Variants in CACNA1A observed in about 807,000 individuals in gnomAD.
CACNA1A encodes the protein voltage-dependent P/Q-type calcium channel subunit alpha-1A.
CACNA1A carries 57 observed loss-of-function variants against 262.4 expected under a neutral mutation model. The ratio of observed to expected loss-of-function variants is 0.22; its 90% CI spans 0.18 to 0.27. The LOEUF is 0.27. Ranked by LOEUF, CACNA1A falls within the 10% of genes least tolerant of loss-of-function variation. CACNA1A has a pLI of 1.00. For synonymous variants in CACNA1A, 1,431 were observed against 1,419.3 expected (o/e 1.01, Z -0.18); for missense variants, 2,526 against 3,562.8 (o/e 0.71, Z 7.41).
At chr19:13,306,840 G>A (rs1038109615) in intron 15 of CACNA1A, among the ~76,000 whole-genome samples, 9 of 152,202 alleles carry the variant, frequency 5.9e-5, no homozygotes, top group African/African-American at 9.6e-5. Flanking sequence ...CACCCATTCC[G>A]TCCCATGGAA....
Position 13,371,771 on chromosome 19 carries a change from G to A in CACNA1A, c.548C>T (p.Ala183Val), listed in dbSNP as rs866087553. 6.4e-7 allele frequency: 1 copy of A among 1,570,910 alleles called. No individual in the cohort carries two copies. The highest frequency in any genetic ancestry group is 8.6e-7 in the Non-Finnish European group (1 of 1,157,886). ...DFVVVLTGIL[A>V]TVGTEFDLRT... ...TAGGTCAAACTCCGTCCCAACTGTC[G>A]CCAAGATGCTGAAAGAAAGAAGCCA... Residue 183 changes from alanine (A) to valine (V), a missense_variant, in exon 4 of 47, where the codon GCG becomes GTG. By Grantham distance (64) the Ala-to-Val change is moderately conservative. Coordinates refer to ENST00000360228, the MANE Select transcript of CACNA1A (RefSeq NM_001127222.2).
chr19:13,408,671 G>A (rs761758186), intron 3 of CACNA1A, among the ~76,000 whole-genome samples: 1 of 152,224 alleles, frequency 6.6e-6, no homozygotes, highest in Non-Finnish European at 1.5e-5. Context: ...GTTCACAGGT[G>A]AGCAACTGTT....
At chr19:13,229,991 G>A in intron 36 of CACNA1A, 91 bp downstream of exon 36, 2 of 1,448,478 alleles carry the variant, frequency 1.4e-6, no homozygotes, top group Non-Finnish European at 1.9e-6. Flanking sequence ...CAGGAGTTCA[G>A]TGCTCCAGAG....
chr19:13,301,696 C>T (rs1398531991), intron 17 of CACNA1A, among the ~76,000 whole-genome samples: 1 of 152,212 alleles, frequency 6.6e-6, no homozygotes, highest in Non-Finnish European at 1.5e-5. Context: ...GAAAAGGCAA[C>T]GAGAAAGAAA....
chr19:13,446,442 C>CTTTTTT (rs547034790), intron 3 of CACNA1A, among the ~76,000 whole-genome samples: 8 of 122,496 alleles, frequency 6.5e-5, no homozygotes, highest in South Asian at 2.6e-4. Flanking sequence ...TTTTTTCTTT[C>CTTTTTT]TTTTTTTTTT....
Position 13,241,367 on chromosome 19 carries a change from C to T in CACNA1A, c.4950+3815G>A, listed in dbSNP as rs1407116564. Among the ~76,000 whole-genome samples, 1 of 151,776 alleles carries T rather than the reference C, an allele frequency of 6.6e-6. No homozygotes were observed. Among genetic ancestry groups the T allele is most frequent in the East Asian group, 1.9e-4 (1 of 5,178 alleles). ...AAGTGGGAGGCACAGGGGCTGGGGGCGGGAGGACAGACAGACAGAGGAGAG... is the reference window on the plus strand; with the variant it reads ...AAGTGGGAGGCACAGGGGCTGGGGGTGGGAGGACAGACAGACAGAGGAGAG... On this transcript the variant is annotated intron_variant, in intron 31 of 46. Transcript: ENST00000360228. The surrounding 1 kb of genome is among the most constrained non-coding windows in gnomAD (Gnocchi z 4.0).
At chr19:13,255,557 A>G (rs2056522774) in intron 28 of CACNA1A, among the ~76,000 whole-genome samples, 1 of 152,140 alleles carries the variant, frequency 6.6e-6, no homozygotes, top group African/African-American at 2.4e-5. Flanking sequence ...CACTTTGCAG[A>G]TCACCAAAAT....
chr19:13,276,048 G>A, intron 23 of CACNA1A, 92 bp from the exon 24 acceptor site: 1 of 776,644 alleles, frequency 1.3e-6, no homozygotes, highest in South Asian at 1.7e-5. Context: ...GGGAGAGGCA[G>A]GGAAGCCAAT....
At chr19:13,399,297 G>A (rs1013973444) in intron 3 of CACNA1A, among the ~76,000 whole-genome samples, 2 of 152,052 alleles carry the variant, frequency 1.3e-5, no homozygotes, top group Non-Finnish European at 2.9e-5. Context: ...GTGAATCACA[G>A]CTGAGTCACT....
chr19:13,450,100 C>T (rs11878757), intron 3 of CACNA1A, among the ~76,000 whole-genome samples: 18,611 of 138,802 alleles, frequency 0.13, 1,487 homozygotes, highest in East Asian at 0.29. Flanking sequence ...GAGATTGTAC[C>T]ACTGCACTCC....
At chr19:13,263,464 TG>T (rs1171744568) in intron 24 of CACNA1A, 2 of 152,328 alleles carry the variant, frequency 1.3e-5, no homozygotes, top group Non-Finnish European at 2.9e-5. Flanking sequence ...CCACTACACC[TG>T]GTCACAGCTA....
In CACNA1A at chr19:13,303,757, T is replaced by C. The variant is rs2057840734; in HGVS notation, c.2104+10A>G. ...AGGCCTGTCCCCTTCTCTCTCTCCATGAAGGATACAGTTCCCAAAGAGCGT... is the reference window on the plus strand; with the variant it reads ...AGGCCTGTCCCCTTCTCTCTCTCCACGAAGGATACAGTTCCCAAAGAGCGT... On this transcript the variant is annotated intron_variant, in intron 16 of 46. Transcript: ENST00000360228. 1 of 1,597,426 alleles carries C rather than the reference T, an allele frequency of 6.3e-7. No individual in the cohort carries two copies. Among genetic ancestry groups the C allele is most frequent in the Non-Finnish European group, 8.6e-7 (1 of 1,164,970 alleles).
Position 13,209,373 on chromosome 19 carries a change from G to T in CACNA1A, c.6465C>A (p.Arg2155=). ...CAGAGGCGCGGTGGCTGCGGTCGCG[G>T]CGCCGCTGGTGGTGCCGCTGGTTCT... ...PEENQRHHQR[R]RDRSHRASER... is the part of the protein sequence containing the mutation. Residue 2155 remains arginine, a synonymous_variant, in exon 45 of 47, where the codon CGC becomes CGA. Coordinates refer to ENST00000360228, the MANE Select transcript of CACNA1A (RefSeq NM_001127222.2). The T allele has an allele frequency of 7.2e-7, 1 of 1,395,920 alleles. No individual in the cohort carries two copies. Among genetic ancestry groups the T allele is most frequent in the Non-Finnish European group, 9.3e-7 (1 of 1,071,166 alleles). The allele number at this position is 1,395,920 out of a possible 1,614,324, so 86.5% of individuals were successfully genotyped here.
chr19:13,340,726 C>T (rs768953188), intron 6 of CACNA1A, among the ~76,000 whole-genome samples: 36 of 152,244 alleles, frequency 2.4e-4, no homozygotes, highest in Middle Eastern at 3.4e-3. Context: ...CACGCCTGGC[C>T]GAGAGGTCAA....
intron 38 of CACNA1A, among the ~76,000 whole-genome samples, chr19:13,223,437 C>T (rs576455187): frequency 6.6e-6 from 1 of 152,252 alleles, no homozygotes; most frequent in African/African-American, 2.4e-5. Flanking sequence ...AATCCACCCA[C>T]CTTGGCCTCC....
At chr19:13,467,450 C>A (rs2061268019) in intron 1 of CACNA1A, among the ~76,000 whole-genome samples, 1 of 152,016 alleles carries the variant, frequency 6.6e-6, no homozygotes, top group African/African-American at 2.4e-5. Context: ...CACTGCACTC[C>A]AGCCTGGGTG....
At position 13,283,268 on chromosome 19, in the gene CACNA1A, T is replaced by A. The variant is rs747853962; in HGVS notation, c.3821A>T (p.Asn1274Ile). The A allele has an allele frequency of 6.2e-7, 1 of 1,613,698 alleles. No homozygotes were observed. The highest frequency in any genetic ancestry group is 1.1e-5 in the South Asian group (1 of 91,080). The change falls in exon 22 of 47, where the codon AAC becomes ATC. Residue 1274 changes from asparagine (N) to isoleucine (I), a missense_variant and splice_region_variant. Coordinates refer to ENST00000360228, the MANE Select transcript of CACNA1A (RefSeq NM_001127222.2). ...AGGGGTGTGCTCTGTGGGACTCACG[T>A]TGTTCCGAGGTGCGTTGGGCTGCAC... ...DPVQPNAPRN[N>I]VLRYFDYVFT...
intron 1 of CACNA1A, among the ~76,000 whole-genome samples, chr19:13,467,971 A>AGTGTGTGTGT (rs57410716): frequency 2.7e-5 from 4 of 149,982 alleles, no homozygotes; most frequent in South Asian, 2.1e-4. Context: ...GAGATGAGTG[A>AGTGTGTGTGT]GTGTGTGTGT....
intron 3 of CACNA1A, among the ~76,000 whole-genome samples, chr19:13,427,098 C>T (rs1202968402): frequency 1.3e-5 from 2 of 152,042 alleles, no homozygotes; most frequent in Admixed American, 6.6e-5. Context: ...AGTCAAGGGG[C>T]TTGGGGGTGT....
Sources: allele counts gnomAD v4.1 joint callset (sites outside exome capture counted in the v4.1 genomes callset), GRCh38; gene constraint gnomAD v4.1.1; non-coding constraint Gnocchi (gnomAD v3.1); transcripts MANE v1.5; gene names NCBI Gene and HGNC (gene_info 2026-07-23, HGNC 2026-07-21).